The following DAG1 variants were observed in gnomAD, a reference collection of about 807,000 sequenced individuals.
The protein encoded by DAG1 is dystroglycan 1 (dystrophin-associated glycoprotein 1).
A neutral mutation model predicts 46.1 loss-of-function variants in DAG1; 8 were observed. The ratio of observed to expected loss-of-function variants is 0.17; its 90% CI spans 0.10 to 0.31. The LOEUF (loss-of-function observed/expected upper bound fraction) is 0.31. Among genes scored for constraint, DAG1 ranks in the 10% least tolerant of loss-of-function variants. The pLI is 1.00. For missense variants in DAG1, 1,003 were observed against 1,189.9 expected, an observed-to-expected ratio of 0.84 and a Z score of 2.31; for synonymous variants, 495 against 481.8, an observed-to-expected ratio of 1.03 and a Z score of -0.36.
At chr3:49,495,440 T>A (rs1041426246) in intron 1 of DAG1, among the ~76,000 whole-genome samples, 3 of 152,324 alleles carry the variant, frequency 2.0e-5, no homozygotes, top group East Asian at 3.9e-4. Flanking sequence ...GGTAAACATG[T>A]GCTGAAGTGT....
chr3:49,501,906 C>T (rs2050464080), intron 1 of DAG1, among the ~76,000 whole-genome samples: 3 of 151,922 alleles, frequency 2.0e-5, no homozygotes, highest in African/African-American at 7.3e-5. Context: ...AGGCCAAGCA[C>T]AGTGGCTCAC....
chr3:49,526,093 C>T (rs1052025270), intron 2 of DAG1, among the ~76,000 whole-genome samples: 5 of 152,160 alleles, frequency 3.3e-5, no homozygotes, highest in African/African-American at 1.2e-4. Context: ...TCAAGTGATC[C>T]ACCCACCTCA....
At position 49,510,568 on chromosome 3, in the gene DAG1, C is replaced by A. The variant is rs1575386690; in HGVS notation, c.34C>A (p.Pro12Thr). 1 of 1,613,850 alleles carries A rather than the reference C, an allele frequency of 6.2e-7. No homozygotes were observed. The highest frequency in any genetic ancestry group is 2.2e-5 in the East Asian group (1 of 44,880). ...GTCTGTGGGCCTCTCGCTGCTGCTG[C>A]CCCTCTCGGGGAGGACCTTTCTCCT... The part of the protein sequence containing the change: ...RMSVGLSLLL[P>T]LSGRTFLLLL... Residue 12 changes from proline (P) to threonine (T), a missense_variant, in exon 2 of 3, where the codon CCC becomes ACC. By Grantham distance (38) the Pro-to-Thr change is conservative (BLOSUM62 -1). Transcript: ENST00000308775.
intron 1 of DAG1, among the ~76,000 whole-genome samples, chr3:49,474,491 A>G (rs897723654): frequency 3.9e-5 from 6 of 152,050 alleles, no homozygotes; most frequent in Admixed American, 3.9e-4. Context: ...GATTACAGGC[A>G]TGCACCACCA....
At chr3:49,480,113 C>CTT (rs2049830409) in intron 1 of DAG1, among the ~76,000 whole-genome samples, 1 of 107,512 alleles carries the variant, frequency 9.3e-6, no homozygotes, top group Non-Finnish European at 2.0e-5. Flanking sequence ...CCACACCCGG[C>CTT]TATTTTTTTT....
At chr3:49,495,922 AAAAAAC>A (rs1285523862) in intron 1 of DAG1, among the ~76,000 whole-genome samples, 64 of 152,226 alleles carry the variant, frequency 4.2e-4, no homozygotes, top group East Asian at 2.7e-3. Flanking sequence ...CTCCGTCTCA[AAAAAAC>A]AAAAACAAAA....
chr3:49,495,021 C>G (rs949598878), intron 1 of DAG1, among the ~76,000 whole-genome samples: 2 of 152,078 alleles, frequency 1.3e-5, no homozygotes, highest in Non-Finnish European at 2.9e-5. Context: ...TGCCAGGCAT[C>G]TACTGGGAGA....
At chr3:49,471,898 C>T (rs2049531009) in intron 1 of DAG1, among the ~76,000 whole-genome samples, 1 of 152,174 alleles carries the variant, frequency 6.6e-6, no homozygotes. Context: ...GCTAAGCGTG[C>T]TCACATAGTA....
chr3:49,510,484 C>T lies in DAG1; in HGVS notation c.-51C>T. The stretch of plus-strand genomic sequence containing the variant: ...AGAACCCAGCTCTGGGACCAAGTCA[C>T]TTGCTTCCTTACTTAGCAAGACTAT... On this transcript the variant is annotated 5_prime_UTR_variant, in exon 2 of 3. Transcript: ENST00000308775. 1 of 1,592,856 alleles carries T rather than the reference C, an allele frequency of 6.3e-7. No individual in the cohort carries two copies. Among genetic ancestry groups the T allele is most frequent in the African/African-American group, 1.3e-5 (1 of 74,716 alleles).
chr3:49,518,640 T>C (rs956596293), intron 2 of DAG1, among the ~76,000 whole-genome samples: 1 of 152,240 alleles, frequency 6.6e-6, no homozygotes, highest in Non-Finnish European at 1.5e-5. Context: ...CACTCCTTCA[T>C]GTTCTGACAG....
At chr3:49,478,819 T>C (rs2106943927) in intron 1 of DAG1, among the ~76,000 whole-genome samples, 1 of 138,810 alleles carries the variant, frequency 7.2e-6, no homozygotes, top group South Asian at 2.3e-4. Flanking sequence ...TTTTTTTTTT[T>C]TTTTTTTTTT....
At chr3:49,504,981 T>TC (rs2050564634) in intron 1 of DAG1, among the ~76,000 whole-genome samples, 1 of 150,578 alleles carries the variant, frequency 6.6e-6, no homozygotes, top group Non-Finnish European at 1.5e-5. Flanking sequence ...CTTTTTTTTT[T>TC]TTTTTAATTT....
chr3:49,532,601 A>C lies in DAG1; in HGVS notation c.2090A>C (p.Glu697Ala). Residue 697 changes from glutamate to alanine, a missense_variant, in exon 3 of 3, where the codon GAG (glutamate) becomes GCG (alanine). Physicochemically the swap from Glu to Ala is moderately radical, Grantham distance 107. Around this residue, in one of 3 missense-constraint regions of DAG1, gnomAD observed 755 missense variants for 854.1 expected, o/e 0.88. Transcript: ENST00000308775. The surrounding 1 kb of genome is among the most constrained non-coding windows in gnomAD (Gnocchi z 5.4). ...KPRPAFSNAL[E>A]PDFKATSITV... Reference sequence around the variant, plus strand: ...CGGCCTGCCTTCTCCAACGCCCTAGAGCCTGACTTTAAGGCCACAAGCATC... The same window carrying C: ...CGGCCTGCCTTCTCCAACGCCCTAGCGCCTGACTTTAAGGCCACAAGCATC... The C allele has an allele frequency of 6.2e-7, 1 of 1,613,012 alleles. No homozygotes were observed. Among genetic ancestry groups the C allele is most frequent in the Admixed American group, 1.7e-5 (1 of 59,982 alleles).
At chr3:49,513,239 G>A (rs1223809652) in intron 2 of DAG1, among the ~76,000 whole-genome samples, 1 of 152,112 alleles carries the variant, frequency 6.6e-6, no homozygotes, top group East Asian at 1.9e-4. Context: ...GCTTAGCTGG[G>A]GCTGTTGGTC....
rs1191104218 is a variant in DAG1, at chr3:49,533,423, A to C, written c.*224A>C. 1.4e-6 allele frequency: 1 copy of C among 727,308 alleles called. No homozygotes were observed. The highest frequency in any genetic ancestry group is 2.4e-6 in the Non-Finnish European group (1 of 411,494). The allele number at this position is 727,308 out of a possible 1,614,324, so 45.1% of individuals were successfully genotyped here. On this transcript the variant is annotated 3_prime_UTR_variant, in exon 3 of 3. Coordinates refer to ENST00000308775, the MANE Select transcript of DAG1 (RefSeq NM_004393.6). ...CTTTTTTATTTTTATTTTTTGCCTA[A>C]CAGCTTTTGGTTTGTTCATAGAGAA...
At chr3:49,486,802 C>T (rs1216192903) in intron 1 of DAG1, among the ~76,000 whole-genome samples, 3 of 152,202 alleles carry the variant, frequency 2.0e-5, no homozygotes, top group East Asian at 3.8e-4. Context: ...TGCGCTCAGC[C>T]TGATATGAAT....
chr3:49,483,484 G>A (rs370641248), intron 1 of DAG1, among the ~76,000 whole-genome samples: 3 of 152,056 alleles, frequency 2.0e-5, no homozygotes, highest in Non-Finnish European at 4.4e-5. Context: ...GATTACAGGC[G>A]TGAGCCACCA....
chr3:49,493,748 C>G (rs1228203773), intron 1 of DAG1, among the ~76,000 whole-genome samples: 1 of 152,148 alleles, frequency 6.6e-6, no homozygotes, highest in Non-Finnish European at 1.5e-5. Context: ...AGCCCAGGAG[C>G]CTTGCGTTCA....
intron 2 of DAG1, among the ~76,000 whole-genome samples, chr3:49,530,360 G>A (rs1050977885): frequency 9.2e-5 from 14 of 152,190 alleles, no homozygotes; most frequent in African/African-American, 3.4e-4. Context: ...AAGATGTGGT[G>A]TCTGCAGAGG....
Sources: allele counts gnomAD v4.1 joint callset (sites outside exome capture counted in the v4.1 genomes callset), GRCh38; gene constraint gnomAD v4.1.1; regional missense constraint gnomAD v4.1.1; non-coding constraint Gnocchi (gnomAD v3.1); transcripts MANE v1.5; gene names NCBI Gene and HGNC (gene_info 2026-07-23, HGNC 2026-07-21).